The following NREP variants were observed in gnomAD, a reference collection of about 807,000 sequenced individuals.
NREP encodes neuronal regeneration related protein.
A neutral mutation model predicts 8.6 loss-of-function variants in NREP; 5 were observed. That is an observed-to-expected ratio of 0.58 (90% CI 0.30 to 1.22). The LOEUF is 1.22. NREP is among the 50% of genes most tolerant of loss of function. NREP has a pLI of 0.07. For synonymous variants in NREP, 27 were observed against 28.0 expected (o/e 0.96, Z 0.11); for missense variants, 86 against 82.5 (o/e 1.04, Z -0.17).
chr5:111,832,401 T>A (rs1413742461), intron 2 of NREP, among the ~76,000 whole-genome samples: 2 of 152,026 alleles, frequency 1.3e-5, no homozygotes, highest in Non-Finnish European at 2.9e-5. Context: ...GGGGGTGGCA[T>A]GAGCCTGTAG....
intron 2 of NREP, among the ~76,000 whole-genome samples, chr5:111,908,384 G>C (rs960986679): frequency 6.6e-6 from 1 of 151,950 alleles, no homozygotes; most frequent in Non-Finnish European, 1.5e-5. Flanking sequence ...CATCACGCAG[G>C]TAGTAAGCAT....
intron 2 of NREP, among the ~76,000 whole-genome samples, chr5:111,867,350 T>G (rs1753690939): frequency 6.6e-6 from 1 of 152,182 alleles, no homozygotes; most frequent in East Asian, 1.9e-4. Context: ...TTAATCTTCC[T>G]GCTGTGTGCT....
intron 3 of NREP, chr5:111,735,129 ATTTGAG>A (rs1476079965): frequency 1.2e-5 from 4 of 326,146 alleles, no homozygotes; most frequent in South Asian, 6.2e-5. Flanking sequence ...TGATCATTGT[ATTTGAG>A]TTTGTCTAAC....
At chr5:111,733,398 C>G (rs1581026209) in intron 3 of NREP, 1 of 152,056 alleles carries the variant, frequency 6.6e-6, no homozygotes, top group African/African-American at 2.4e-5. Flanking sequence ...GAGAGGTGCT[C>G]CTGAGGAGAC....
At chr5:111,834,753 A>G (rs1752854156) in intron 2 of NREP, among the ~76,000 whole-genome samples, 1 of 152,130 alleles carries the variant, frequency 6.6e-6, no homozygotes, top group African/African-American at 2.4e-5. Flanking sequence ...CATCTTTAAG[A>G]TGTGTATTGG....
At chr5:111,820,613 G>A (rs1028104384) in intron 2 of NREP, among the ~76,000 whole-genome samples, 8 of 151,718 alleles carry the variant, frequency 5.3e-5, no homozygotes, top group Non-Finnish European at 8.8e-5. Context: ...GGACATATAT[G>A]GCTGATCATA....
chr5:111,921,346 T>C (rs1040977510), intron 2 of NREP, among the ~76,000 whole-genome samples: 5 of 152,214 alleles, frequency 3.3e-5, no homozygotes, highest in South Asian at 2.1e-4. Context: ...ACAGGAGCCA[T>C]GATCTCCAAT....
At chr5:111,855,435 GC>G (rs1163836942) in intron 2 of NREP, among the ~76,000 whole-genome samples, 7 of 152,158 alleles carry the variant, frequency 4.6e-5, no homozygotes, top group Non-Finnish European at 8.8e-5. Context: ...GGAGCTTCAA[GC>G]TTTTTAACCA....
intron 2 of NREP, among the ~76,000 whole-genome samples, chr5:111,746,229 G>T (rs925809112): frequency 1.3e-5 from 2 of 151,642 alleles, no homozygotes; most frequent in Admixed American, 6.6e-5. Flanking sequence ...AGTTCAAAAA[G>T]TGGTTATCAT....
intron 2 of NREP, among the ~76,000 whole-genome samples, chr5:111,913,873 A>C (rs1057326423): frequency 1.3e-5 from 2 of 152,142 alleles, no homozygotes; most frequent in African/African-American, 4.8e-5. Context: ...TTTAAAAGTT[A>C]CCTAATGATG....
intron 2 of NREP, among the ~76,000 whole-genome samples, chr5:111,955,910 A>AC (rs1756302574): frequency 7.1e-6 from 1 of 141,448 alleles, no homozygotes; most frequent in African/African-American, 2.6e-5. Flanking sequence ...GAAAAAAAAA[A>AC]AAACAAAAAC....
upstream of NREP, chr5:111,757,518 G>A (rs1750804107): frequency 7.1e-6 from 7 of 984,774 alleles, no homozygotes; most frequent in African/African-American, 1.8e-5. Context: ...CAGCGCCCCA[G>A]CCTTGCTGCC....
At chr5:111,777,925 A>G (rs1751402999) in intron 2 of NREP, among the ~76,000 whole-genome samples, 1 of 152,104 alleles carries the variant, frequency 6.6e-6, no homozygotes, top group Non-Finnish European at 1.5e-5. Flanking sequence ...TTGCTGATTG[A>G]GATAAATAGG....
chr5:111,830,670 G>T (rs1457227061), intron 2 of NREP, among the ~76,000 whole-genome samples: 1 of 152,168 alleles, frequency 6.6e-6, no homozygotes, highest in Non-Finnish European at 1.5e-5. Context: ...AGGTCTCTTT[G>T]TCTCTAATGG....
intron 2 of NREP, among the ~76,000 whole-genome samples, chr5:111,820,182 A>C (rs1461397813): frequency 6.6e-6 from 1 of 152,178 alleles, no homozygotes; most frequent in Non-Finnish European, 1.5e-5. Flanking sequence ...CAGCAAAATC[A>C]CCAACAAACA....
In NREP at chr5:111,768,538, C is replaced by T. The variant is rs545265664; in HGVS notation, c.136-33031G>A. 2.0e-5 allele frequency among the ~76,000 whole-genome samples: 3 copies of T among 152,178 alleles called. No homozygotes were observed. In the East Asian group the frequency reaches 5.8e-4, roughly 29 times the overall value. On this transcript the variant is annotated intron_variant, in intron 2 of 3. Transcript: ENST00000395634. ...CCTCTCTCTGCCCCCTCTAGTAGTCCCTAGTGTCTATTTTTGCCATCTTTA... is the reference window on the plus strand; with the variant it reads ...CCTCTCTCTGCCCCCTCTAGTAGTCTCTAGTGTCTATTTTTGCCATCTTTA...
chr5:111,895,995 G>A (rs1754501202), intron 2 of NREP, among the ~76,000 whole-genome samples: 1 of 152,138 alleles, frequency 6.6e-6, no homozygotes, highest in South Asian at 2.1e-4. Context: ...ATAGCTCATG[G>A]TAAAGAGTTT....
intron 2 of NREP, among the ~76,000 whole-genome samples, chr5:111,907,730 T>C (rs1350142754): frequency 6.6e-6 from 1 of 152,096 alleles, no homozygotes; most frequent in African/African-American, 2.4e-5. Flanking sequence ...AGACTATATT[T>C]GCTCACTTTA....
At chr5:111,753,864 CA>C (rs1411300087) in intron 2 of NREP, among the ~76,000 whole-genome samples, 1 of 150,364 alleles carries the variant, frequency 6.7e-6, no homozygotes, top group Non-Finnish European at 1.5e-5. Flanking sequence ...AGAGGAGATA[CA>C]AAGACACCTC....
Sources: allele counts gnomAD v4.1 joint callset (sites outside exome capture counted in the v4.1 genomes callset), GRCh38; gene constraint gnomAD v4.1.1; transcripts MANE v1.5; gene names NCBI Gene and HGNC (gene_info 2026-07-23, HGNC 2026-07-21).